Variants in GGTA1 observed in about 807,000 individuals in gnomAD.
GGTA1 encodes glycoprotein alpha-galactosyltransferase 1 (inactive).
Under a neutral mutation model 2.6 loss-of-function variants are expected in GGTA1, and 5 were observed. The observed-to-expected ratio is 1.92, with a 90% CI of 1.00 to 4.04. GGTA1 has a LOEUF of 4.04. Ranked by LOEUF, GGTA1 falls within the 30% of genes most tolerant of loss-of-function variation. The probability of loss-of-function intolerance (pLI) is 0.00; values close to 1 mark genes in which losing one functional copy is unlikely to be tolerated. For missense variants in GGTA1, 50 were observed against 16.7 expected, an observed-to-expected ratio of 2.99 and a Z score of -3.47; for synonymous variants, 17 against 5.0, an observed-to-expected ratio of 3.38 and a Z score of -3.19.
At chr9:121,447,245 T>A (rs1190000868) in exon 8 of GGTA1, 1 of 152,596 alleles carries the variant, frequency 6.6e-6, no homozygotes, top group East Asian at 1.9e-4. Flanking sequence ...GGTAAAGTCA[T>A]AGGGATCTGC....
intron 1 of GGTA1, among the ~76,000 whole-genome samples, chr9:121,482,782 T>A (rs547261344): frequency 4.0e-5 from 6 of 151,032 alleles, no homozygotes; most frequent in East Asian, 3.9e-4. Context: ...AAAATAAATT[T>A]AAAAAAATTA....
chr9:121,460,976 C>A (rs1037101545), intron 4 of GGTA1, among the ~76,000 whole-genome samples: 10 of 152,194 alleles, frequency 6.6e-5, no homozygotes, highest in African/African-American at 2.2e-4. Flanking sequence ...ACTCGTGAGG[C>A]TGAGGCAGGA....
At chr9:121,459,466 A>C (rs1269124554) in intron 5 of GGTA1, among the ~76,000 whole-genome samples, 1 of 152,156 alleles carries the variant, frequency 6.6e-6, no homozygotes, top group Non-Finnish European at 1.5e-5. Flanking sequence ...ATCAAATGAA[A>C]AAAAAGGATT....
At position 121,448,370 on chromosome 9, in the gene GGTA1, G is replaced by A. The variant is rs572141584; in HGVS notation, c.*119-773C>T. Reference sequence around the variant, plus strand: ...GCACTCTCTTGTCCTCTGTGATACAGAGAATGAGTTATGAGATCTAGATCT... The same window carrying A: ...GCACTCTCTTGTCCTCTGTGATACAAAGAATGAGTTATGAGATCTAGATCT... On this transcript the variant is annotated intron_variant and NMD_transcript_variant, in intron 7 of 7. Coordinates refer to the GGTA1 transcript ENST00000481534. Among the ~76,000 whole-genome samples the A allele has an allele frequency of 3.3e-4, 50 of 152,274 alleles. No individual in the cohort carries two copies. The South Asian group carries it at 9.8e-3, about 30-fold the overall frequency.
At chr9:121,493,281 A>T (rs1298960303) in intron 1 of GGTA1, among the ~76,000 whole-genome samples, 2 of 152,098 alleles carry the variant, frequency 1.3e-5, no homozygotes, top group Non-Finnish European at 2.9e-5. Context: ...AGGGAAGGTC[A>T]CTGCAGCTGC....
intron 5 of GGTA1, among the ~76,000 whole-genome samples, chr9:121,457,941 G>A (rs761322304): frequency 6.4e-5 from 9 of 139,906 alleles, no homozygotes; most frequent in Non-Finnish European, 1.4e-4. Flanking sequence ...ACAGAGTTTC[G>A]CTTTGTTGCC....
chr9:121,463,111 C>A, intron 3 of GGTA1, 182 bp downstream of exon 3: 1 of 386,130 alleles, frequency 2.6e-6, no homozygotes, highest in South Asian at 1.9e-5. Context: ...AGCCATGGTT[C>A]TATACAGATA....
chr9:121,483,734 G>T (rs1240624952), intron 1 of GGTA1, among the ~76,000 whole-genome samples: 1 of 152,178 alleles, frequency 6.6e-6, no homozygotes, highest in Non-Finnish European at 1.5e-5. Flanking sequence ...TGTAGAGGCA[G>T]CTGCAGACCA....
chr9:121,478,644 C>CA (rs1434293287), intron 1 of GGTA1, among the ~76,000 whole-genome samples: 2 of 152,140 alleles, frequency 1.3e-5, no homozygotes, highest in Non-Finnish European at 2.9e-5. Flanking sequence ...TTTTGTTTTT[C>CA]ATTATAAGGG....
chr9:121,497,331 C>T (rs960644110), intron 1 of GGTA1, among the ~76,000 whole-genome samples: 2 of 152,172 alleles, frequency 1.3e-5, no homozygotes, highest in African/African-American at 4.8e-5. Flanking sequence ...CTGAAAGCTG[C>T]CCCCTCCTTC....
chr9:121,466,145 C>G lies in GGTA1; in HGVS notation c.80+1698G>C, dbSNP rs369578289. Among the ~76,000 whole-genome samples, 23 of 152,260 alleles carry G rather than the reference C, an allele frequency of 1.5e-4. No homozygotes were observed. In the East Asian group the frequency reaches 2.1e-3, roughly 14 times the overall value. ...ATTTTGCCAGGGCTGGTCTTGAACT[C>G]CTGGGTTCAAGCAATCTGTCCTCCT... On this transcript the variant is annotated intron_variant, in intron 2 of 5. Transcript: ENST00000481799.
chr9:121,464,582 C>T (rs1206797487), intron 2 of GGTA1, among the ~76,000 whole-genome samples: 2 of 132,232 alleles, frequency 1.5e-5, no homozygotes, highest in Non-Finnish European at 3.4e-5. Context: ...CTGCATCAGC[C>T]TTCCAAAGTA....
At chr9:121,487,291 G>A (rs1313575243) in intron 1 of GGTA1, among the ~76,000 whole-genome samples, 1 of 151,868 alleles carries the variant, frequency 6.6e-6, no homozygotes, top group Non-Finnish European at 1.5e-5. Context: ...TTAAAGATGA[G>A]GCTCAGGCTG....
intron 1 of GGTA1, among the ~76,000 whole-genome samples, chr9:121,495,190 G>T (rs1170635885): frequency 2.6e-5 from 4 of 152,032 alleles, no homozygotes; most frequent in Non-Finnish European, 5.9e-5. Context: ...CAAGTTCTGG[G>T]ATTACAGGTG....
chr9:121,497,761 C>T (rs1296389128), intron 1 of GGTA1, among the ~76,000 whole-genome samples: 1 of 152,192 alleles, frequency 6.6e-6, no homozygotes, highest in Non-Finnish European at 1.5e-5. Flanking sequence ...GACCAACTCA[C>T]ATAAATGGTC....
chr9:121,493,909 A>G (rs1828930762), intron 1 of GGTA1, among the ~76,000 whole-genome samples: 1 of 151,588 alleles, frequency 6.6e-6, no homozygotes, highest in Non-Finnish European at 1.5e-5. Flanking sequence ...GGCACGCACA[A>G]CCACGCCCAG....
chr9:121,453,128 A>C (rs1444748619), downstream of GGTA1, among the ~76,000 whole-genome samples: 1 of 152,216 alleles, frequency 6.6e-6, no homozygotes, highest in African/African-American at 2.4e-5. Flanking sequence ...CATTGGACAA[A>C]AAGGGCCCCA....
At chr9:121,449,357 T>C (rs1394970844) in intron 7 of GGTA1, among the ~76,000 whole-genome samples, 1 of 152,234 alleles carries the variant, frequency 6.6e-6, no homozygotes. Context: ...TATTTAGTTT[T>C]GTAAGAAACT....
At chr9:121,481,287 C>A (rs1408965741) in intron 1 of GGTA1, among the ~76,000 whole-genome samples, 1 of 152,028 alleles carries the variant, frequency 6.6e-6, no homozygotes, top group African/African-American at 2.4e-5. Flanking sequence ...AATGAGCGAG[C>A]TACAGCTACT....
Sources: allele counts gnomAD v4.1 joint callset (sites outside exome capture counted in the v4.1 genomes callset), GRCh38; gene constraint gnomAD v4.1.1; transcripts MANE v1.5; gene names NCBI Gene and HGNC (gene_info 2026-07-23, HGNC 2026-07-21).